Variants in CPNE4 observed in about 807,000 individuals in gnomAD.
CPNE4 encodes the protein copine-4.
In CPNE4, 25 loss-of-function variants were observed where a neutral mutation model predicts 67.9. The ratio of observed to expected loss-of-function variants is 0.37; its 90% CI spans 0.27 to 0.51. CPNE4 has a LOEUF of 0.51. Ranked by LOEUF, CPNE4 falls within the 20% of genes least tolerant of loss-of-function variation. The pLI, the probability that CPNE4 is intolerant of heterozygous loss-of-function variation, is 0.93. For missense variants in CPNE4, 464 were observed against 690.8 expected (o/e 0.67, Z 3.68); for synonymous variants, 242 against 244.9 (o/e 0.99, Z 0.11).
rs1424084625 is a variant in CPNE4 at position 131,604,410 on chromosome 3, C to T, written c.682-16828G>A. 3.3e-5 allele frequency among the ~76,000 whole-genome samples: 5 copies of T among 152,050 alleles called. No individual in the cohort carries two copies. In the East Asian group the frequency reaches 9.6e-4, roughly 29 times the overall value. On this transcript the variant is annotated intron_variant, in intron 7 of 15. Coordinates refer to ENST00000429747, the MANE Select transcript of CPNE4 (RefSeq NM_130808.3). The stretch of plus-strand genomic sequence containing the variant: ...TGTGATGGTTAATACTGAGTGTCAA[C>T]TTGATTGGGCTGAAGGATACAAAGT...
chr3:131,643,081 C>A (rs994880495), intron 7 of CPNE4, among the ~76,000 whole-genome samples: 33 of 152,072 alleles, frequency 2.2e-4, no homozygotes, highest in Non-Finnish European at 4.4e-5. Context: ...ATGGCTTTGA[C>A]CAAAATGGTG....
intron 5 of CPNE4, among the ~76,000 whole-genome samples, chr3:131,688,493 A>C (rs567069092): frequency 6.6e-6 from 1 of 152,276 alleles, no homozygotes; most frequent in South Asian, 2.1e-4. Context: ...TAAAAAATTA[A>C]AACCTCCTTC....
intron 1 of CPNE4, among the ~76,000 whole-genome samples, chr3:131,977,825 C>T (rs1265788707): frequency 6.6e-6 from 1 of 151,482 alleles, no homozygotes; most frequent in African/African-American, 2.4e-5. Flanking sequence ...TTTTATCCCT[C>T]ATCCCCCTCC....
chr3:131,977,812 G>A (rs977819050), intron 1 of CPNE4, among the ~76,000 whole-genome samples: 1 of 151,452 alleles, frequency 6.6e-6, no homozygotes, highest in Non-Finnish European at 1.5e-5. Flanking sequence ...CATATTTGTA[G>A]TCTTTTATCC....
chr3:131,650,573 G>A (rs1049020243), intron 7 of CPNE4, among the ~76,000 whole-genome samples: 1 of 149,970 alleles, frequency 6.7e-6, no homozygotes, highest in Non-Finnish European at 1.5e-5. Flanking sequence ...GTGAAACCCC[G>A]TCTCTACTAA....
intron 1 of CPNE4, among the ~76,000 whole-genome samples, chr3:131,986,679 G>A (rs891971780): frequency 3.9e-5 from 6 of 151,964 alleles, no homozygotes; most frequent in East Asian, 3.9e-4. Context: ...GGCGGATCAC[G>A]AGGTTAGAAG....
At chr3:131,881,752 G>A (rs1307517580) in intron 2 of CPNE4, among the ~76,000 whole-genome samples, 1 of 152,014 alleles carries the variant, frequency 6.6e-6, no homozygotes, top group Non-Finnish European at 1.5e-5. Context: ...TTTAAGAACT[G>A]AGAAAAAGGG....
At chr3:131,739,163 C>T (rs1218917623) in intron 2 of CPNE4, among the ~76,000 whole-genome samples, 2 of 152,194 alleles carry the variant, frequency 1.3e-5, no homozygotes, top group Non-Finnish European at 2.9e-5. Context: ...TTCCTGGAGA[C>T]AGTAAAAGCT....
At chr3:131,773,990 A>T (rs1433160236) in intron 2 of CPNE4, among the ~76,000 whole-genome samples, 1 of 152,150 alleles carries the variant, frequency 6.6e-6, no homozygotes, top group Non-Finnish European at 1.5e-5. Flanking sequence ...CTCTTTTAAG[A>T]TAGCAGGGTG....
intron 1 of CPNE4, among the ~76,000 whole-genome samples, chr3:132,009,849 C>T (rs1334757151): frequency 6.6e-6 from 1 of 152,150 alleles, no homozygotes; most frequent in African/African-American, 2.4e-5. Context: ...GATGGGGAAG[C>T]TGCTATTAGG....
chr3:131,920,859 T>G (rs2070723516), intron 1 of CPNE4, among the ~76,000 whole-genome samples: 1 of 152,144 alleles, frequency 6.6e-6, no homozygotes, highest in South Asian at 2.1e-4. Context: ...GCACTGCTCC[T>G]CGATTCTCCT....
intron 3 of CPNE4, among the ~76,000 whole-genome samples, chr3:131,713,380 A>C (rs1264903933): frequency 6.6e-6 from 1 of 152,176 alleles, no homozygotes; most frequent in Non-Finnish European, 1.5e-5. Flanking sequence ...GACATCTATG[A>C]CTTTACATGA....
chr3:131,636,894 AAG>A (rs772832326), intron 7 of CPNE4, among the ~76,000 whole-genome samples: 33 of 152,132 alleles, frequency 2.2e-4, no homozygotes, highest in Non-Finnish European at 3.5e-4. Flanking sequence ...AGTACCAGTA[AAG>A]AGCCCAGTAG....
intron 7 of CPNE4, among the ~76,000 whole-genome samples, chr3:131,615,085 G>A (rs185944377): frequency 6.6e-6 from 1 of 152,290 alleles, no homozygotes; most frequent in African/African-American, 2.4e-5. Context: ...CAGTAAGTTT[G>A]GGGTAAGGCC....
chr3:131,832,041 T>A (rs1295754425), intron 2 of CPNE4, among the ~76,000 whole-genome samples: 1 of 152,230 alleles, frequency 6.6e-6, no homozygotes, highest in Non-Finnish European at 1.5e-5. Flanking sequence ...TACTCTCTGT[T>A]CATTCAGGTC....
chr3:132,034,051 T>A (rs1487803233), intron 1 of CPNE4, among the ~76,000 whole-genome samples: 7 of 152,138 alleles, frequency 4.6e-5, no homozygotes, highest in African/African-American at 1.4e-4. Flanking sequence ...AACTAAAATA[T>A]TATTAGAACC....
At chr3:131,650,372 G>A (rs1178812029) in intron 7 of CPNE4, among the ~76,000 whole-genome samples, 1 of 152,088 alleles carries the variant, frequency 6.6e-6, no homozygotes, top group Non-Finnish European at 1.5e-5. Context: ...AGTTATAGGG[G>A]CCACCCTAGG....
chr3:131,921,865 T>G (rs1464224397), intron 1 of CPNE4, among the ~76,000 whole-genome samples: 1 of 152,102 alleles, frequency 6.6e-6, no homozygotes, highest in Non-Finnish European at 1.5e-5. Context: ...TAGACATGCT[T>G]TGGTCCAAAC....
At chr3:131,790,198 A>G (rs1033965063) in intron 2 of CPNE4, among the ~76,000 whole-genome samples, 1 of 152,132 alleles carries the variant, frequency 6.6e-6, no homozygotes, top group Non-Finnish European at 1.5e-5. Flanking sequence ...TGCCAGCCAG[A>G]TATGGGACTT....
Sources: gnomAD v4.1 joint callset for allele counts (sites outside exome capture counted in the v4.1 genomes callset) on GRCh38, gnomAD v4.1.1 for gene constraint, MANE v1.5 for transcripts, NCBI Gene and HGNC (gene_info 2026-07-23, HGNC 2026-07-21) for gene names.